The following CACNA1B variants were observed in gnomAD, a reference collection of about 807,000 sequenced individuals.
CACNA1B encodes the protein voltage-dependent N-type calcium channel subunit alpha-1B.
In CACNA1B, 70 loss-of-function variants were observed where a neutral mutation model predicts 247.2. The ratio of observed to expected loss-of-function variants is 0.28; its 90% CI spans 0.23 to 0.35. CACNA1B has a LOEUF of 0.35. CACNA1B is among the 10% of genes least tolerant of loss of function. CACNA1B has a pLI of 1.00. For synonymous variants in CACNA1B, 1,231 were observed against 1,294.4 expected, an observed-to-expected ratio of 0.95 and a Z score of 1.05; for missense variants, 2,367 against 3,197.4, an observed-to-expected ratio of 0.74 and a Z score of 6.26.
At chr9:138,120,480 A>G in intron 45 of CACNA1B, 108 bp downstream of exon 45, 8 of 1,391,964 alleles carry the variant, frequency 5.7e-6, no homozygotes, top group Non-Finnish European at 7.7e-6. Flanking sequence ...GTGACCCCAT[A>G]ACCAGCCAGA....
rs778429052 is a variant in CACNA1B at position 138,025,156 on chromosome 9, A to G, written c.3270A>G (p.Glu1090=). Residue 1090 remains glutamate, a synonymous_variant, in exon 20 of 47, where the codon GAA becomes GAG. Coordinates refer to ENST00000371372, the MANE Select transcript of CACNA1B (RefSeq NM_000718.4). ...TGATGCTGACGGGCCCTCTTGGGGA[A>G]GCCACGGTCGTTCCCAGTGAGTATC... ...IPVMLTGPLG[E]ATVVPSGNVD... is the part of the protein sequence containing the mutation. 5 of 1,610,066 alleles carry G rather than the reference A, an allele frequency of 3.1e-6. No individual in the cohort carries two copies. In the South Asian group the frequency reaches 5.6e-5, roughly 18 times the overall value.
chr9:138,039,852 C>A (rs1959095294), intron 20 of CACNA1B, among the ~76,000 whole-genome samples: 1 of 151,978 alleles, frequency 6.6e-6, no homozygotes, highest in Non-Finnish European at 1.5e-5. Context: ...TATTTGTATG[C>A]TAAATCAGGT....
chr9:138,014,640 G>A lies in CACNA1B; in HGVS notation c.2267+1405G>A, dbSNP rs1039233602. On this transcript the variant is annotated intron_variant, in intron 18 of 46. Transcript: ENST00000371372. The surrounding 1 kb of genome is among the most constrained non-coding windows in gnomAD (Gnocchi z 6.2). Reference sequence around the variant, plus strand: ...CCAGGGCTCTGTGAGCTCTGCAGGTGGGTGGTCTGCAGTAGATGGGGCGAG... The same window carrying A: ...CCAGGGCTCTGTGAGCTCTGCAGGTAGGTGGTCTGCAGTAGATGGGGCGAG... Among the ~76,000 whole-genome samples the A allele has an allele frequency of 2.0e-5, 3 of 152,226 alleles. No individual in the cohort carries two copies. The highest frequency in any genetic ancestry group is 2.9e-5 in the Non-Finnish European group (2 of 68,042).
chr9:138,040,924 C>A (rs1564253227), intron 20 of CACNA1B, among the ~76,000 whole-genome samples: 2 of 152,174 alleles, frequency 1.3e-5, no homozygotes, highest in Non-Finnish European at 2.9e-5. Context: ...GCTAATTAAG[C>A]CCTACAGAAA....
chr9:138,068,447 A>G (rs930264863), intron 31 of CACNA1B, among the ~76,000 whole-genome samples: 3 of 152,222 alleles, frequency 2.0e-5, no homozygotes, highest in Admixed American at 6.5e-5. Flanking sequence ...CCTGCCATTT[A>G]ATCAGAAAAA....
chr9:138,115,460 C>A, intron 41 of CACNA1B, 92 bp from the exon 42 acceptor site: 1 of 1,383,378 alleles, frequency 7.2e-7, no homozygotes, highest in Non-Finnish European at 9.8e-7. Context: ...CATGACCTGG[C>A]TTTTGCCCCA....
chr9:138,023,299 C>T lies in CACNA1B; in HGVS notation c.2556C>T (p.His852=). The T allele has an allele frequency of 6.6e-7, 1 of 1,515,560 alleles. No individual in the cohort carries two copies. The highest frequency in any genetic ancestry group is 1.4e-5 in the African/African-American group (1 of 69,638). The allele number at this position is 1,515,560 out of a possible 1,614,324, so 93.9% of individuals were successfully genotyped here. Reference sequence around the variant, plus strand: ...GCGTCGACCCTCCGCGCAGGCACCACCGGCACCGCGACAAGGACAAGACCC... The same window carrying T: ...GCGTCGACCCTCCGCGCAGGCACCATCGGCACCGCGACAAGGACAAGACCC... The part of the protein sequence containing the change: ...PEGVDPPRRH[H]RHRDKDKTPA... The change falls in exon 19 of 47, where the codon CAC becomes CAT. Residue 852 remains histidine (H), a synonymous_variant. Coordinates refer to ENST00000371372, the MANE Select transcript of CACNA1B (RefSeq NM_000718.4).
In CACNA1B at chr9:138,046,962, G is replaced by A. The variant is rs373559930; in HGVS notation, c.3472G>A (p.Val1158Met). 7.4e-6 allele frequency: 12 copies of A among 1,613,476 alleles called. No individual in the cohort carries two copies. Among genetic ancestry groups the A allele is most frequent in the African/African-American group, 4.0e-5 (3 of 74,944 alleles). ...TMRYFEVVILVVIALSSIALA... is the reference protein window; with the variant it reads ...TMRYFEVVILMVIALSSIALA... ...GAGGTACTTCGAGGTGGTCATTCTC[G>A]TGGTCATCGCCTTGAGCAGCATCGC... The change falls in exon 22 of 47, where the codon GTG becomes ATG. Residue 1158 changes from valine to methionine, a missense_variant. Coordinates refer to ENST00000371372, the MANE Select transcript of CACNA1B (RefSeq NM_000718.4).
rs1219236100 is a variant in CACNA1B at position 138,073,231 on chromosome 9, G to C, written c.4675-257G>C. On this transcript the variant is annotated intron_variant, in intron 32 of 46. Coordinates refer to ENST00000371372, the MANE Select transcript of CACNA1B (RefSeq NM_000718.4). This position sits in a 1 kb window ranked among gnomAD's most constrained non-coding sequence, Gnocchi z 6.4. ...TTTCTGTTGCTCACGGTTGGGGGTG[G>C]GGAGGGGCCTTAGAGCCAAGGAGGT... Among the ~76,000 whole-genome samples, 1 of 152,232 alleles carries C rather than the reference G, an allele frequency of 6.6e-6. No individual in the cohort carries two copies. Among genetic ancestry groups the C allele is most frequent in the Non-Finnish European group, 1.5e-5 (1 of 68,044 alleles).
At chr9:137,898,610 A>G (rs189854007) in intron 3 of CACNA1B, among the ~76,000 whole-genome samples, 4 of 152,036 alleles carry the variant, frequency 2.6e-5, no homozygotes, top group Middle Eastern at 3.4e-3. Context: ...GGCTAAAGCA[A>G]TCCTCCCACC....
At chr9:138,009,942 G>T in intron 16 of CACNA1B, 68 bp from the exon 17 acceptor site, 5 of 1,265,938 alleles carry the variant, frequency 3.9e-6, no homozygotes, top group Non-Finnish European at 5.8e-6. Context: ...CTGGGGAGAT[G>T]GGGGAAGCTG....
rs1957213318 is a variant in CACNA1B, at chr9:137,899,920, G to A, written c.531-13260G>A. On this transcript the variant is annotated intron_variant, in intron 3 of 46. Transcript: ENST00000371372. This position sits in a 1 kb window ranked among gnomAD's most constrained non-coding sequence, Gnocchi z 5.0. ...GGGCTGGTCCAGGTTGATGGGGCGT[G>A]GGTAGGGCTCTGTGCCACAGGGACG... Among the ~76,000 whole-genome samples, 1 of 152,194 alleles carries A rather than the reference G, an allele frequency of 6.6e-6. No homozygotes were observed. Among genetic ancestry groups the A allele is most frequent in the South Asian group, 2.1e-4 (1 of 4,834 alleles).
chr9:137,885,222 ATC>A (rs1427056517), intron 3 of CACNA1B, among the ~76,000 whole-genome samples: 1 of 151,122 alleles, frequency 6.6e-6, no homozygotes, highest in Non-Finnish European at 1.5e-5. Flanking sequence ...GTTGGAGGTG[ATC>A]TGTGTCCCAC....
intron 3 of CACNA1B, among the ~76,000 whole-genome samples, chr9:137,893,549 G>C (rs13301288): frequency 0.072 from 10,965 of 151,634 alleles, 575 homozygotes; most frequent in Admixed American, 0.12. Flanking sequence ...TACTCAGGGG[G>C]CTGAGGCAGG....
In CACNA1B at chr9:138,121,693, G is replaced by GCTGCAGAGAGACCCCCTC. The variant is rs1962106730; in HGVS notation, c.6715_6732dup (p.Leu2239_Leu2244dup). On this transcript the variant is annotated inframe_insertion, in exon 47 of 47. Coordinates refer to ENST00000371372, the MANE Select transcript of CACNA1B (RefSeq NM_000718.4). This position sits in a 1 kb window ranked among gnomAD's most constrained non-coding sequence, Gnocchi z 6.8. ...GTGGGCTTTCCGAACACAACGCCCTGCTGCAGAGAGACCCCCTCAGCCAGC... is the reference window on the plus strand; with the variant it reads ...GTGGGCTTTCCGAACACAACGCCCTGCTGCAGAGAGACCCCCTCCTGCAGAGAGACCCCCTCAGCCAGC... 3.1e-6 allele frequency: 5 copies of GCTGCAGAGAGACCCCCTC among 1,613,198 alleles called. No homozygotes were observed. The highest frequency in any genetic ancestry group is 4.2e-6 in the Non-Finnish European group (5 of 1,179,788).
rs1960219113 is a variant in CACNA1B at position 138,073,871 on chromosome 9, T to G, written c.4792-130T>G. The G allele has an allele frequency of 4.1e-6, 3 of 736,666 alleles. No homozygotes were observed. The Admixed American group carries it at 6.2e-5, about 15-fold the overall frequency. 45.6% of individuals were successfully genotyped at this position (736,666 alleles called of 1,614,324 possible). A position where few individuals can be genotyped will look rare whatever the true frequency, so the allele number is the denominator to read the frequency against. On this transcript the variant is annotated intron_variant, in intron 33 of 46. Transcript: ENST00000371372. The surrounding 1 kb of genome is among the most constrained non-coding windows in gnomAD (Gnocchi z 6.4). ...CTGGGGCATCACTTGGTGGAGGGGC[T>G]TGGTGGCCAGTGGGATGGAGCTTGA...
At position 137,889,424 on chromosome 9, in the gene CACNA1B, G is replaced by A. The variant is rs567384347; in HGVS notation, c.530+6541G>A. Among the ~76,000 whole-genome samples the A allele has an allele frequency of 4.6e-3, 682 of 148,270 alleles. 44 individuals are homozygous for A. Among genetic ancestry groups the A allele is most frequent in the Middle Eastern group, 0.028 (8 of 288 alleles). On this transcript the variant is annotated intron_variant, in intron 3 of 46. Coordinates refer to ENST00000371372, the MANE Select transcript of CACNA1B (RefSeq NM_000718.4). ...CTAGTGTGGCTGGAACCGGTGGAGC[G>A]GGGGCTGAGTTCTGACAAGTCCCTG...
chr9:137,913,893 G>T lies in CACNA1B; in HGVS notation c.622+622G>T, dbSNP rs1007707315. ...TCCTGAGGCCACTGAGGGAAGACCC[G>T]TGATTGGCTCCCTGTTCTACCCTGA... On this transcript the variant is annotated intron_variant, in intron 4 of 46. Coordinates refer to ENST00000371372, the MANE Select transcript of CACNA1B (RefSeq NM_000718.4). The surrounding 1 kb of genome is among the most constrained non-coding windows in gnomAD (Gnocchi z 5.2). Among the ~76,000 whole-genome samples the T allele has an allele frequency of 1.1e-4, 17 of 152,200 alleles. No homozygotes were observed. Among genetic ancestry groups the T allele is most frequent in the Non-Finnish European group, 1.9e-4 (13 of 68,030 alleles).
intron 44 of CACNA1B, among the ~76,000 whole-genome samples, chr9:138,119,628 C>T (rs572251367): frequency 3.5e-4 from 53 of 152,330 alleles, no homozygotes; most frequent in Non-Finnish European, 6.9e-4. Context: ...CCCACCTGTC[C>T]TTCCTCTCTT....
Sources: allele counts gnomAD v4.1 joint callset (sites outside exome capture counted in the v4.1 genomes callset), GRCh38; gene constraint gnomAD v4.1.1; non-coding constraint Gnocchi (gnomAD v3.1); transcripts MANE v1.5; gene names NCBI Gene and HGNC (gene_info 2026-07-23, HGNC 2026-07-21).